MAGI1: variants seen among roughly 807,000 people sequenced by gnomAD.
MAGI1 encodes the protein membrane associated guanylate kinase, WW and PDZ domain containing 1, also known as membrane-associated guanylate kinase, WW and PDZ domain-containing protein 1.
In MAGI1, 58 loss-of-function variants were observed where a neutral mutation model predicts 139.9. The observed-to-expected ratio is 0.41, with a 90% CI of 0.34 to 0.52. The LOEUF (loss-of-function observed/expected upper bound fraction) is 0.52, where lower values mean the gene tolerates loss of function less well. Among genes scored for constraint, MAGI1 ranks in the 20% least tolerant of loss-of-function variants. MAGI1 has a pLI of 0.12. For synonymous variants in MAGI1, 812 were observed against 737.9 expected (o/e 1.10, Z -1.63); for missense variants, 1,874 against 1,901.6 (o/e 0.99, Z 0.27).
chr3:65,603,173 A>T (rs1245581145), intron 2 of MAGI1, among the ~76,000 whole-genome samples: 2 of 152,148 alleles, frequency 1.3e-5, no homozygotes, highest in African/African-American at 4.8e-5. Context: ...GACAGATTTT[A>T]CCAAGCTTTC....
chr3:65,756,489 A>C (rs1478369248), intron 1 of MAGI1, among the ~76,000 whole-genome samples: 1 of 152,092 alleles, frequency 6.6e-6, no homozygotes. Flanking sequence ...TTTAAATAAA[A>C]CCCTGCCCTA....
chr3:65,485,544 C>T (rs1298329862), intron 3 of MAGI1, among the ~76,000 whole-genome samples: 1 of 152,184 alleles, frequency 6.6e-6, no homozygotes. Flanking sequence ...CTGTGCTTGA[C>T]ACAATGTTAG....
intron 6 of MAGI1, among the ~76,000 whole-genome samples, chr3:65,450,965 A>G (rs1448531379): frequency 6.6e-6 from 1 of 152,222 alleles, no homozygotes; most frequent in Non-Finnish European, 1.5e-5. Flanking sequence ...TAATCTGATT[A>G]TATATTTATA....
At position 65,717,598 on chromosome 3, in the gene MAGI1, T is replaced by C. The variant is rs1022992906; in HGVS notation, c.314-95510A>G. ...TTATTACAGGATTCACGTACAAATA[T>C]ATGTGCCTAGAAACTGATATAACAC... is the stretch of plus-strand genomic sequence containing the variant. On this transcript the variant is annotated intron_variant, in intron 1 of 22. Coordinates refer to ENST00000402939, the MANE Select transcript of MAGI1 (RefSeq NM_001033057.2). The C allele has an allele frequency of 2.6e-5, 4 of 152,202 alleles. No homozygotes were observed. In the South Asian group the frequency reaches 6.2e-4, roughly 24 times the overall value. The allele number at this position is 152,202 out of a possible 1,614,324, so 9.4% of individuals were successfully genotyped here. A position where few individuals can be genotyped will look rare whatever the true frequency, so the allele number is the denominator to read the frequency against.
At chr3:65,955,344 A>C (rs2064069386) in intron 1 of MAGI1, among the ~76,000 whole-genome samples, 1 of 152,184 alleles carries the variant, frequency 6.6e-6, no homozygotes, top group Non-Finnish European at 1.5e-5. Flanking sequence ...AACTAAATAA[A>C]TAAATAAACG....
intron 2 of MAGI1, among the ~76,000 whole-genome samples, chr3:65,576,241 C>T (rs778811450): frequency 1.4e-4 from 21 of 152,134 alleles, no homozygotes; most frequent in Non-Finnish European, 1.6e-4. Context: ...TCAAGTAACA[C>T]GTATTAATAA....
At chr3:65,641,695 C>A (rs1460732733) in intron 1 of MAGI1, among the ~76,000 whole-genome samples, 1 of 152,136 alleles carries the variant, frequency 6.6e-6, no homozygotes, top group Non-Finnish European at 1.5e-5. Context: ...CTAACACCCT[C>A]TTAGAGTCAC....
chr3:65,561,864 C>G (rs1450957366), intron 2 of MAGI1, among the ~76,000 whole-genome samples: 5 of 152,156 alleles, frequency 3.3e-5, no homozygotes, highest in African/African-American at 1.2e-4. Flanking sequence ...ATTTAATATA[C>G]AGTAACCCCC....
intron 1 of MAGI1, among the ~76,000 whole-genome samples, chr3:65,633,545 T>C (rs2084429419): frequency 6.6e-6 from 1 of 152,204 alleles, no homozygotes; most frequent in Non-Finnish European, 1.5e-5. Flanking sequence ...GCCTGCCTTC[T>C]CTGTTCTTTT....
At chr3:65,584,789 C>A (rs1375951466) in intron 2 of MAGI1, among the ~76,000 whole-genome samples, 1 of 152,138 alleles carries the variant, frequency 6.6e-6, no homozygotes, top group African/African-American at 2.4e-5. Flanking sequence ...GATATTCTTG[C>A]CAAGTCAAGT....
At position 65,430,133 on chromosome 3, in the gene MAGI1, C is replaced by A; in HGVS notation, c.1554G>T (p.Val518=). The A allele has an allele frequency of 6.2e-7, 1 of 1,612,012 alleles. No individual in the cohort carries two copies. The highest frequency in any genetic ancestry group is 8.5e-7 in the Non-Finnish European group (1 of 1,178,336). Residue 518 remains valine (V), a synonymous_variant, in exon 12 of 23, where the codon GTG becomes GTT. Transcript: ENST00000402939. ...ALDGKMETGD[V]IVSVNDTCVL... ...CACAGGTGTCATTCACACTTACAAT[C>A]ACATCCCCTGTAGAAGGCAAGAGTG... is the stretch of plus-strand genomic sequence containing the variant.
intron 2 of MAGI1, among the ~76,000 whole-genome samples, chr3:65,559,452 A>G (rs537719914): frequency 6.6e-6 from 1 of 152,266 alleles, no homozygotes; most frequent in South Asian, 2.1e-4. Flanking sequence ...TACTAATCAT[A>G]ACTTGAAAAT....
chr3:65,797,333 G>T (rs1202725700), intron 1 of MAGI1, among the ~76,000 whole-genome samples: 1 of 152,132 alleles, frequency 6.6e-6, no homozygotes, highest in Admixed American at 6.5e-5. Flanking sequence ...AAGAGTCTAT[G>T]ACTCACTACA....
chr3:65,957,794 G>A (rs561825124), intron 1 of MAGI1, among the ~76,000 whole-genome samples: 2 of 152,148 alleles, frequency 1.3e-5, no homozygotes, highest in East Asian at 3.9e-4. Context: ...TTGGGATGGA[G>A]TTTTGCTCTT....
At position 65,846,093 on chromosome 3, in the gene MAGI1, C is replaced by T. The variant is rs186040551; in HGVS notation, c.313+191903G>A. Among the ~76,000 whole-genome samples, 70 of 152,272 alleles carry T rather than the reference C, an allele frequency of 4.6e-4. No homozygotes were observed. In the South Asian group the frequency reaches 8.9e-3, roughly 19 times the overall value. On this transcript the variant is annotated intron_variant, in intron 1 of 22. Transcript: ENST00000402939. ...TTCATTTGCCAAGGTCAGAAGCCAT[C>T]GAAACTGACTTTGTGCGTGGGTAGA...
At chr3:65,736,516 C>T (rs1316753316) in intron 1 of MAGI1, among the ~76,000 whole-genome samples, 2 of 152,130 alleles carry the variant, frequency 1.3e-5, no homozygotes, top group African/African-American at 4.8e-5. Context: ...TGGTATATTT[C>T]AATCCATGAT....
At chr3:65,596,733 G>T (rs562024621) in intron 2 of MAGI1, among the ~76,000 whole-genome samples, 1 of 152,254 alleles carries the variant, frequency 6.6e-6, no homozygotes, top group Admixed American at 6.5e-5. Context: ...AAATCCCCCA[G>T]CCTTCCGGGT....
At chr3:65,367,045 C>G (rs1336133995) in intron 18 of MAGI1, among the ~76,000 whole-genome samples, 5 of 152,166 alleles carry the variant, frequency 3.3e-5, no homozygotes, top group Non-Finnish European at 1.5e-5. Flanking sequence ...CTCTCCAGAA[C>G]TTTCATAAAC....
intron 2 of MAGI1, among the ~76,000 whole-genome samples, chr3:65,614,533 G>C (rs1187389209): frequency 4.6e-5 from 7 of 151,796 alleles, no homozygotes; most frequent in African/African-American, 1.7e-4. Flanking sequence ...TGACACATTG[G>C]GCATACTCAA....
Sources: allele counts gnomAD v4.1 joint callset (sites outside exome capture counted in the v4.1 genomes callset), GRCh38; gene constraint gnomAD v4.1.1; transcripts MANE v1.5; gene names NCBI Gene and HGNC (gene_info 2026-07-23, HGNC 2026-07-21).